PHKB: variants seen among roughly 807,000 people sequenced by gnomAD.
The protein encoded by PHKB is phosphorylase b kinase regulatory subunit beta.
In PHKB, 122 loss-of-function variants were observed where a neutral mutation model predicts 152.1. That is an observed-to-expected ratio of 0.80 (90% CI 0.69 to 0.93). The LOEUF (loss-of-function observed/expected upper bound fraction) is 0.93. Ranked by LOEUF, PHKB falls within the 40% of genes least tolerant of loss-of-function variation. PHKB has a pLI of 0.00. For missense variants in PHKB, 1,304 were observed against 1,328.4 expected (o/e 0.98, Z 0.29); for synonymous variants, 436 against 464.9 (o/e 0.94, Z 0.80).
intron 26 of PHKB, among the ~76,000 whole-genome samples, chr16:47,670,057 C>T (rs1228559506): frequency 6.6e-6 from 1 of 152,162 alleles, no homozygotes; most frequent in East Asian, 1.9e-4. Context: ...CCTCTCTAGC[C>T]TCACTTTAAT....
intron 6 of PHKB, chr16:47,529,225 C>G (rs1970818383): frequency 6.6e-6 from 1 of 152,062 alleles, no homozygotes; most frequent in Non-Finnish European, 1.5e-5. Flanking sequence ...TGCAGTGGCT[C>G]ACATCTCTAA....
At chr16:47,464,413 C>T (rs1015534633) in intron 1 of PHKB, among the ~76,000 whole-genome samples, 2 of 152,318 alleles carry the variant, frequency 1.3e-5, no homozygotes, top group African/African-American at 2.4e-5. Context: ...TTAATATACA[C>T]GTTTTCACAG....
Position 47,689,357 on chromosome 16 carries a change from T to G in PHKB, c.2765+182T>G, listed in dbSNP as rs368934281. Among the ~76,000 whole-genome samples, 69 of 152,338 alleles carry G rather than the reference T, an allele frequency of 4.5e-4. No individual in the cohort carries two copies. The South Asian group carries it at 0.013, about 30-fold the overall frequency. The stretch of plus-strand genomic sequence containing the variant: ...GACCAATCAAAATGTCTGTCTTCAA[T>G]TATTATTTTGCATTGATTTGAATTT... On this transcript the variant is annotated intron_variant, in intron 27 of 30. Coordinates refer to ENST00000323584, the MANE Select transcript of PHKB (RefSeq NM_000293.3).
chr16:47,650,497 C>G lies in PHKB; in HGVS notation c.1798-47C>G, dbSNP rs776064513. ...GGCACTCATGGTTGAGCATCCTGTTCATCTTAGATACTGTGCCATTACATC... is the reference window on the plus strand; with the variant it reads ...GGCACTCATGGTTGAGCATCCTGTTGATCTTAGATACTGTGCCATTACATC... On this transcript the variant is annotated intron_variant, in intron 18 of 30. Coordinates refer to ENST00000323584, the MANE Select transcript of PHKB (RefSeq NM_000293.3). 4.6e-6 allele frequency: 5 copies of G among 1,080,114 alleles called. No homozygotes were observed. In the African/African-American group the frequency reaches 6.2e-5, roughly 13 times the overall value. The allele number at this position is 1,080,114 out of a possible 1,614,324, so 66.9% of individuals were successfully genotyped here. A position where few individuals can be genotyped will look rare whatever the true frequency, so the allele number is the denominator to read the frequency against.
chr16:47,524,937 T>A (rs1479040918), intron 6 of PHKB, among the ~76,000 whole-genome samples: 3 of 152,242 alleles, frequency 2.0e-5, no homozygotes, highest in East Asian at 3.8e-4. Context: ...AAAAATCTTT[T>A]AAAATTTTTT....
rs1452822370 is a variant in PHKB at position 47,503,094 on chromosome 16, A to G, written c.405+4A>G. The G allele has an allele frequency of 1.3e-6, 2 of 1,561,548 alleles. No homozygotes were observed. Among genetic ancestry groups the G allele is most frequent in the Non-Finnish European group, 1.8e-6 (2 of 1,132,142 alleles). ...CTATATGCGTCAGGCCGATAAGGTA[A>G]AACATTGTGGTGTGGACGGGAATTC... On this transcript the variant is annotated splice_donor_region_variant and intron_variant, in intron 4 of 30. Coordinates refer to ENST00000323584, the MANE Select transcript of PHKB (RefSeq NM_000293.3).
intron 6 of PHKB, among the ~76,000 whole-genome samples, chr16:47,522,961 A>ATTT (rs375826369): frequency 8.2e-6 from 1 of 122,494 alleles, no homozygotes; most frequent in Non-Finnish European, 1.8e-5. Flanking sequence ...TTTCAAGTCA[A>ATTT]TTTTTTTTTT....
chr16:47,501,494 T>G (rs1479516163), intron 3 of PHKB, among the ~76,000 whole-genome samples: 1 of 152,198 alleles, frequency 6.6e-6, no homozygotes, highest in Non-Finnish European at 1.5e-5. Flanking sequence ...GTATCAGTAT[T>G]AAATTTCTTA....
chr16:47,689,286 C>T (rs1974019236), intron 27 of PHKB, 111 bp downstream of exon 27: 3 of 1,036,008 alleles, frequency 2.9e-6, no homozygotes, highest in East Asian at 2.6e-5. Flanking sequence ...TAAAATTCAA[C>T]AGAGTGTCAG....
Position 47,511,780 on chromosome 16 carries a change from G to C in PHKB, c.513+8G>C. The C allele has an allele frequency of 6.8e-7, 1 of 1,464,900 alleles. No individual in the cohort carries two copies. Among genetic ancestry groups the C allele is most frequent in the Non-Finnish European group, 9.6e-7 (1 of 1,043,736 alleles). 90.7% of individuals were successfully genotyped at this position (1,464,900 alleles called of 1,614,324 possible). A position where few individuals can be genotyped will look rare whatever the true frequency, so the allele number is the denominator to read the frequency against. ...GAATATGGTCATCTTCAGGTAAAAA[G>C]AGATTATACATTTTATTCTCCTTAT... On this transcript the variant is annotated splice_region_variant and intron_variant, in intron 5 of 30. Transcript: ENST00000323584.
chr16:47,606,641 T>C (rs1436414128), intron 13 of PHKB, among the ~76,000 whole-genome samples: 1 of 152,174 alleles, frequency 6.6e-6, no homozygotes, highest in Non-Finnish European at 1.5e-5. Flanking sequence ...GAAAATACGC[T>C]CACTGTAAAT....
chr16:47,557,324 C>A (rs1204659388), intron 7 of PHKB, among the ~76,000 whole-genome samples: 2 of 152,102 alleles, frequency 1.3e-5, no homozygotes, highest in African/African-American at 4.8e-5. Flanking sequence ...TAGGCATGGG[C>A]AAGGACTTCA....
chr16:47,694,052 C>T (rs1974107696), intron 28 of PHKB, among the ~76,000 whole-genome samples: 1 of 152,170 alleles, frequency 6.6e-6, no homozygotes, highest in South Asian at 2.1e-4. Context: ...CCTAGTAGTG[C>T]TGTGGATGAG....
chr16:47,696,562 T>C (rs966209021), intron 29 of PHKB, 74 bp downstream of exon 29: 6 of 836,190 alleles, frequency 7.2e-6, no homozygotes, highest in Non-Finnish European at 1.3e-5. Context: ...TAAGGGAAAC[T>C]GCCTATGAGA....
intron 26 of PHKB, among the ~76,000 whole-genome samples, chr16:47,686,859 A>G (rs1452873430): frequency 2.6e-5 from 4 of 152,208 alleles, no homozygotes; most frequent in Non-Finnish European, 5.9e-5. Context: ...AATAATCCCA[A>G]TACCATTATC....
intron 13 of PHKB, among the ~76,000 whole-genome samples, chr16:47,602,542 C>CTTTTTTTTTTTTTTTTTTTTT (rs34655174): frequency 4.1e-5 from 5 of 122,676 alleles, no homozygotes; most frequent in Non-Finnish European, 3.4e-5. Flanking sequence ...GCTTCTCTTC[C>CTTTTTTTTTTTTTTTTTTTTT]TTTTTTTTTT....
chr16:47,665,853 A>G, intron 25 of PHKB: 1 of 871,636 alleles, frequency 1.1e-6, no homozygotes, highest in Non-Finnish European at 2.0e-6. Context: ...TCCACTGTGT[A>G]TATTTTAAAG....
chr16:47,623,426 G>T lies in PHKB; in HGVS notation c.1458+12506G>T, dbSNP rs1972651423. ...CCTGTTAGATTTCTTTTATCCCTTT[G>T]TGTGATTAAGACTATCACTGTATAG... On this transcript the variant is annotated intron_variant, in intron 14 of 30. Transcript: ENST00000323584. Among the ~76,000 whole-genome samples the T allele has an allele frequency of 1.3e-5, 2 of 148,596 alleles. 1 individual carries two copies. The highest frequency in any genetic ancestry group is 4.2e-4 in the South Asian group (2 of 4,756).
At chr16:47,668,967 C>T (rs1394531549) in intron 25 of PHKB, among the ~76,000 whole-genome samples, 1 of 152,072 alleles carries the variant, frequency 6.6e-6, no homozygotes, top group African/African-American at 2.4e-5. Context: ...ATCCACTCAC[C>T]TCCACTCCCC....
Sources: gnomAD v4.1 joint callset for allele counts (sites outside exome capture counted in the v4.1 genomes callset) on GRCh38, gnomAD v4.1.1 for gene constraint, MANE v1.5 for transcripts, NCBI Gene and HGNC (gene_info 2026-07-23, HGNC 2026-07-21) for gene names.